The following UVRAG variants were observed in gnomAD, a reference collection of about 807,000 sequenced individuals.
UVRAG encodes UV radiation resistance-associated gene protein.
A neutral mutation model predicts 78.0 loss-of-function variants in UVRAG; 19 were observed. That is an observed-to-expected ratio of 0.24 (90% confidence interval 0.17 to 0.36). UVRAG has a LOEUF of 0.36. UVRAG is among the 10% of genes least tolerant of loss of function. The pLI is 1.00. For missense variants in UVRAG, 740 were observed against 853.8 expected, an observed-to-expected ratio of 0.87 and a Z score of 1.66; for synonymous variants, 323 against 324.6, an observed-to-expected ratio of 1.00 and a Z score of 0.05.
intron 14 of UVRAG, among the ~76,000 whole-genome samples, chr11:76,130,855 A>T (rs956539967): frequency 6.6e-6 from 1 of 151,636 alleles, no homozygotes; most frequent in Non-Finnish European, 1.5e-5. Context: ...TTCCCTATCG[A>T]GTTCCTTCTG....
In UVRAG at chr11:75,864,166, T is replaced by C. The variant is rs138006902; in HGVS notation, c.270+2386T>C. Among the ~76,000 whole-genome samples, 709 of 151,970 alleles carry C rather than the reference T, an allele frequency of 4.7e-3. 5 individuals are homozygous for C. The highest frequency in any genetic ancestry group is 0.016 in the African/African-American group (658 of 41,468). Reference sequence around the variant, plus strand: ...CACCTTGTGAGCTGAGGCGATCCTCTTACCTCAGCCTCCCAAGGAGCTGGG... The same window carrying C: ...CACCTTGTGAGCTGAGGCGATCCTCCTACCTCAGCCTCCCAAGGAGCTGGG... On this transcript the variant is annotated intron_variant, in intron 3 of 14. Coordinates refer to ENST00000356136, the MANE Select transcript of UVRAG (RefSeq NM_003369.4).
intron 12 of UVRAG, among the ~76,000 whole-genome samples, chr11:76,055,291 AC>A (rs1178652030): frequency 6.6e-6 from 1 of 152,170 alleles, no homozygotes; most frequent in African/African-American, 2.4e-5. Context: ...CAAAGGATCC[AC>A]CTGCCTTGGT....
chr11:76,109,680 A>G (rs1952036013), intron 13 of UVRAG, among the ~76,000 whole-genome samples: 1 of 152,240 alleles, frequency 6.6e-6, no homozygotes, highest in Admixed American at 6.5e-5. Context: ...TGAATGAATG[A>G]ATAGAACGTG....
chr11:76,116,595 G>C (rs1952184971), intron 14 of UVRAG, among the ~76,000 whole-genome samples: 2 of 152,126 alleles, frequency 1.3e-5, no homozygotes. Flanking sequence ...GAGAGGGGAA[G>C]TCTGATAGAA....
intron 12 of UVRAG, among the ~76,000 whole-genome samples, chr11:76,020,928 G>T (rs1056722721): frequency 1.3e-5 from 2 of 152,168 alleles, no homozygotes; most frequent in African/African-American, 4.8e-5. Context: ...GACTAGGGCT[G>T]ATCTAAATGC....
At chr11:75,876,695 G>GAAA (rs71036069) in intron 3 of UVRAG, among the ~76,000 whole-genome samples, 25 of 146,170 alleles carry the variant, frequency 1.7e-4, no homozygotes, top group Non-Finnish European at 1.7e-4. Context: ...CTTTGGTCAG[G>GAAA]AAAAAAAAAA....
At chr11:75,856,960 G>C (rs1264428757) in intron 2 of UVRAG, among the ~76,000 whole-genome samples, 3 of 152,122 alleles carry the variant, frequency 2.0e-5, no homozygotes, top group African/African-American at 7.2e-5. Flanking sequence ...CCAAAAACTT[G>C]GAGTTATCCT....
chr11:75,907,922 C>T (rs1947653214), intron 5 of UVRAG, among the ~76,000 whole-genome samples: 1 of 152,068 alleles, frequency 6.6e-6, no homozygotes, highest in Admixed American at 6.6e-5. Flanking sequence ...ATTACAAATA[C>T]ACAAAATTTA....
chr11:75,909,800 A>G (rs1318712102), intron 5 of UVRAG, among the ~76,000 whole-genome samples: 1 of 152,108 alleles, frequency 6.6e-6, no homozygotes, highest in Non-Finnish European at 1.5e-5. Flanking sequence ...CAATTTGCTG[A>G]TATTTCGCTA....
At chr11:76,069,332 T>C (rs911150330) in intron 13 of UVRAG, among the ~76,000 whole-genome samples, 9 of 152,108 alleles carry the variant, frequency 5.9e-5, no homozygotes, top group Non-Finnish European at 1.2e-4. Context: ...TGAGAGTGAG[T>C]GAAGCAAAAT....
At chr11:75,870,627 G>A (rs1481637463) in intron 3 of UVRAG, among the ~76,000 whole-genome samples, 1 of 152,110 alleles carries the variant, frequency 6.6e-6, no homozygotes, top group Non-Finnish European at 1.5e-5. Flanking sequence ...TTTTAGGGTG[G>A]TATAATTTGA....
At chr11:75,846,406 T>C (rs1222636468) in intron 1 of UVRAG, among the ~76,000 whole-genome samples, 2 of 152,172 alleles carry the variant, frequency 1.3e-5, no homozygotes, top group African/African-American at 4.8e-5. Context: ...TTAAGTCCCA[T>C]TTATCAGTTT....
intron 12 of UVRAG, among the ~76,000 whole-genome samples, chr11:76,061,324 C>T (rs991412858): frequency 1.3e-5 from 2 of 152,134 alleles, no homozygotes; most frequent in Non-Finnish European, 2.9e-5. Context: ...GCAGACCACT[C>T]GGCTCTCTGT....
intron 12 of UVRAG, among the ~76,000 whole-genome samples, chr11:76,046,503 C>A (rs1950759368): frequency 6.6e-6 from 1 of 152,086 alleles, no homozygotes; most frequent in South Asian, 2.1e-4. Context: ...GTTATTAACT[C>A]CAGGGAAAAC....
At chr11:75,948,544 GATTTATTTGATAAA>G (rs1948625003) in intron 6 of UVRAG, among the ~76,000 whole-genome samples, 1 of 152,114 alleles carries the variant, frequency 6.6e-6, no homozygotes, top group Non-Finnish European at 1.5e-5. Flanking sequence ...TCATGGAGCG[GATTTATTTGATAAA>G]ATTTATTTGA....
At chr11:75,980,557 G>A (rs1351832240) in intron 7 of UVRAG, among the ~76,000 whole-genome samples, 1 of 152,116 alleles carries the variant, frequency 6.6e-6, no homozygotes, top group African/African-American at 2.4e-5. Flanking sequence ...AAACTTCTGG[G>A]CATAGAGTTG....
In UVRAG at chr11:76,141,269, T is replaced by G. The variant is rs1952718561; in HGVS notation, c.1956T>G (p.Phe652Leu). The G allele has an allele frequency of 6.2e-7, 1 of 1,614,196 alleles. No individual in the cohort carries two copies. Among genetic ancestry groups the G allele is most frequent in the African/African-American group, 1.3e-5 (1 of 75,034 alleles). The change falls in exon 15 of 15, where the codon TTT becomes TTG. Residue 652 changes from phenylalanine (F) to leucine (L), a missense_variant. Coordinates refer to ENST00000356136, the MANE Select transcript of UVRAG (RefSeq NM_003369.4). ...GFASGDQLEA[F>L]NCIPVDSAVA... is the part of the protein sequence containing the mutation. Reference sequence around the variant, plus strand: ...CCTCAGGTGATCAGCTAGAAGCATTTAACTGCATCCCAGTGGACAGTGCTG... The same window carrying G: ...CCTCAGGTGATCAGCTAGAAGCATTGAACTGCATCCCAGTGGACAGTGCTG...
intron 3 of UVRAG, among the ~76,000 whole-genome samples, chr11:75,874,504 G>A (rs1946721669): frequency 1.3e-5 from 2 of 152,170 alleles, no homozygotes; most frequent in South Asian, 4.1e-4. Context: ...GATTGGTGAT[G>A]TCTTGGATTT....
chr11:76,057,279 T>C (rs1951002222), intron 12 of UVRAG, among the ~76,000 whole-genome samples: 1 of 152,220 alleles, frequency 6.6e-6, no homozygotes, highest in Non-Finnish European at 1.5e-5. Flanking sequence ...ATCATGCTTT[T>C]CATAGATTAT....
Sources: gnomAD v4.1 joint callset for allele counts (sites outside exome capture counted in the v4.1 genomes callset) on GRCh38, gnomAD v4.1.1 for gene constraint, MANE v1.5 for transcripts, NCBI Gene and HGNC (gene_info 2026-07-23, HGNC 2026-07-21) for gene names.